Variants in MTF2 observed in about 807,000 individuals in gnomAD.
The protein encoded by MTF2 is metal-response element-binding transcription factor 2.
In MTF2, 11 loss-of-function variants were observed where a neutral mutation model predicts 79.5. The ratio of observed to expected loss-of-function variants is 0.14; its 90% CI spans 0.09 to 0.23. The LOEUF is 0.23. Ranked by LOEUF, MTF2 falls within the 10% of genes least tolerant of loss-of-function variation. The pLI is 1.00. For missense variants in MTF2, 486 were observed against 711.2 expected (o/e 0.68, Z 3.60); for synonymous variants, 208 against 232.8 (o/e 0.89, Z 0.97).
intron 1 of MTF2, among the ~76,000 whole-genome samples, chr1:93,087,164 A>G (rs1205846454): frequency 3.3e-5 from 5 of 152,196 alleles, no homozygotes; most frequent in South Asian, 2.1e-4. Flanking sequence ...TTGGACTTTC[A>G]GGTTAGGGAT....
rs1043095086 is a variant in MTF2 at position 93,107,343 on chromosome 1, G to A, written c.6-2887G>A. The stretch of plus-strand genomic sequence containing the variant: ...AGGTTCAAGCGGTTCTCCTGCCTCA[G>A]CCTCCCGAGTAGCTGGGATTACAGG... On this transcript the variant is annotated intron_variant, in intron 1 of 14. Transcript: ENST00000370298. Among the ~76,000 whole-genome samples the A allele has an allele frequency of 7.2e-5, 11 of 152,266 alleles. No homozygotes were observed. The East Asian group carries it at 2.1e-3, about 29-fold the overall frequency.
chr1:93,115,415 A>C, intron 5 of MTF2, 55 bp from the exon 6 acceptor site: 3 of 1,359,604 alleles, frequency 2.2e-6, no homozygotes, highest in Non-Finnish European at 9.9e-7. Flanking sequence ...AAAGTATAGA[A>C]TTGTGTTTAA....
At chr1:93,103,087 G>A (rs1218629944) in intron 1 of MTF2, among the ~76,000 whole-genome samples, 2 of 151,334 alleles carry the variant, frequency 1.3e-5, no homozygotes, top group Non-Finnish European at 2.9e-5. Flanking sequence ...AGCCAAGATC[G>A]CACCACTGCA....
At chr1:93,132,001 G>C (rs1300560534) in intron 11 of MTF2, among the ~76,000 whole-genome samples, 2 of 151,508 alleles carry the variant, frequency 1.3e-5, no homozygotes, top group Non-Finnish European at 2.9e-5. Context: ...TACAGAGAGG[G>C]GAATTTAAGG....
In MTF2 at chr1:93,120,841, C is replaced by T. The variant is rs1389439590; in HGVS notation, c.921+169C>T. ...GTATGGATATCAGGACCAGCCTTCT[C>T]ATCCTCCTGTGTGTTTGTTGCCTGT... On this transcript the variant is annotated intron_variant, in intron 9 of 14. Transcript: ENST00000370298. The T allele has an allele frequency of 3.0e-6, 4 of 1,333,580 alleles. No homozygotes were observed. The East Asian group carries it at 1.4e-4, about 46-fold the overall frequency. The allele number at this position is 1,333,580 out of a possible 1,614,324, so 82.6% of individuals were successfully genotyped here.
chr1:93,095,461 C>T (rs2101032191), intron 1 of MTF2, among the ~76,000 whole-genome samples: 1 of 152,268 alleles, frequency 6.6e-6, no homozygotes, highest in East Asian at 1.9e-4. Context: ...CTGCCTCAGC[C>T]TCCCAGGTAG....
intron 11 of MTF2, 74 bp downstream of exon 11, chr1:93,129,522 T>G: frequency 8.2e-7 from 1 of 1,218,788 alleles, no homozygotes; most frequent in Non-Finnish European, 1.1e-6. Flanking sequence ...TTTAGTCTCC[T>G]TAGTATATTT....
intron 1 of MTF2, among the ~76,000 whole-genome samples, chr1:93,105,971 G>A (rs1655764416): frequency 1.3e-5 from 2 of 152,182 alleles, no homozygotes; most frequent in South Asian, 2.1e-4. Flanking sequence ...ACCATGCCCG[G>A]CCATGAATGT....
intron 1 of MTF2, among the ~76,000 whole-genome samples, chr1:93,082,421 CA>C: frequency 6.6e-6 from 1 of 152,168 alleles, no homozygotes; most frequent in Admixed American, 6.5e-5. Flanking sequence ...GTTAGGACTA[CA>C]GGTGCACACC....
intron 1 of MTF2, among the ~76,000 whole-genome samples, chr1:93,103,213 A>G (rs1041267530): frequency 1.3e-5 from 2 of 151,550 alleles, no homozygotes; most frequent in East Asian, 3.8e-4. Flanking sequence ...GTAATTTTCT[A>G]TTATAAAAAG....
At chr1:93,095,363 G>A (rs550158301) in intron 1 of MTF2, among the ~76,000 whole-genome samples, 2 of 152,082 alleles carry the variant, frequency 1.3e-5, no homozygotes, top group African/African-American at 2.4e-5. Context: ...TTTTTGAGAT[G>A]GAGTTTAGCT....
chr1:93,102,770 T>G (rs1557547423), intron 1 of MTF2, among the ~76,000 whole-genome samples: 1 of 152,098 alleles, frequency 6.6e-6, no homozygotes, highest in Non-Finnish European at 1.5e-5. Flanking sequence ...TGATAATACC[T>G]ATGATATTTA....
rs148645156 is a variant in MTF2, at chr1:93,119,357, C to G, written c.753C>G (p.Val251=). The change falls in exon 8 of 15, where the codon GTC becomes GTG. Residue 251 remains valine, a synonymous_variant. Transcript: ENST00000370298. ...GDRFYTFICS[V]CSSGPEYLKR... is the part of the protein sequence containing the mutation. ...GATTTTATACGTTTATATGCTCTGTCTGCAGTTCTGGACCAGAATACCTCA... is the reference window on the plus strand; with the variant it reads ...GATTTTATACGTTTATATGCTCTGTGTGCAGTTCTGGACCAGAATACCTCA... 24 of 1,573,062 alleles carry G rather than the reference C, an allele frequency of 1.5e-5. No homozygotes were observed. Among genetic ancestry groups the G allele is most frequent in the Non-Finnish European group, 2.0e-5 (23 of 1,161,580 alleles).
intron 3 of MTF2, among the ~76,000 whole-genome samples, chr1:93,111,746 G>C (rs1231060714): frequency 6.6e-6 from 1 of 152,062 alleles, no homozygotes; most frequent in Non-Finnish European, 1.5e-5. Context: ...TGACTCATAA[G>C]ATTTAAAGGG....
At chr1:93,127,000 A>G (rs1022572432) in intron 9 of MTF2, among the ~76,000 whole-genome samples, 2 of 152,150 alleles carry the variant, frequency 1.3e-5, no homozygotes, top group Non-Finnish European at 2.9e-5. Flanking sequence ...GTAATGAACA[A>G]GTAACTAGTG....
chr1:93,125,824 G>GATATTTGA, intron 9 of MTF2, among the ~76,000 whole-genome samples: 1 of 152,166 alleles, frequency 6.6e-6, no homozygotes, highest in East Asian at 1.9e-4. Flanking sequence ...ATTGCATTCA[G>GATATTTGA]ATATTTGAAG....
chr1:93,095,950 G>A (rs143484214), intron 1 of MTF2, among the ~76,000 whole-genome samples: 1 of 152,066 alleles, frequency 6.6e-6, no homozygotes, highest in African/African-American at 2.4e-5. Flanking sequence ...CCCTGCACCC[G>A]GTCTATTTCT....
chr1:93,105,709 C>T (rs1283048771), intron 1 of MTF2, among the ~76,000 whole-genome samples: 4 of 151,644 alleles, frequency 2.6e-5, no homozygotes, highest in Non-Finnish European at 4.4e-5. Context: ...GAGTCTTGCT[C>T]TTTTCACCCA....
intron 3 of MTF2, among the ~76,000 whole-genome samples, chr1:93,111,375 G>A (rs1656022638): frequency 6.6e-6 from 1 of 152,106 alleles, no homozygotes; most frequent in Non-Finnish European, 1.5e-5. Context: ...CCCGTGTTTT[G>A]TGTATTCTCA....
Sources: allele counts gnomAD v4.1 joint callset (sites outside exome capture counted in the v4.1 genomes callset), GRCh38; gene constraint gnomAD v4.1.1; transcripts MANE v1.5; gene names NCBI Gene and HGNC (gene_info 2026-07-23, HGNC 2026-07-21).